The following SPEF2 variants were observed in gnomAD, a reference collection of about 807,000 sequenced individuals.
SPEF2 encodes the protein sperm flagellar and cilia associated 2.
A neutral mutation model predicts 224.6 loss-of-function variants in SPEF2; 187 were observed. The ratio of observed to expected loss-of-function variants is 0.83; its 90% CI spans 0.74 to 0.94. The LOEUF (loss-of-function observed/expected upper bound fraction) is 0.94. SPEF2 is among the 40% of genes least tolerant of loss of function. SPEF2 has a pLI of 0.00. For synonymous variants in SPEF2, 715 were observed against 707.3 expected (o/e 1.01, Z -0.17); for missense variants, 2,170 against 2,135.6 (o/e 1.02, Z -0.32).
Position 35,779,178 on chromosome 5 carries a change from G to T in SPEF2, c.4279G>T (p.Glu1427Ter). Residue 1427 changes from glutamate (E) to a stop codon, truncating the protein, a stop_gained, in exon 30 of 37, where the codon GAA becomes TAA. Transcript: ENST00000356031. LOFTEE classifies it high-confidence loss of function. ...HIETSTKIQN[E>*]LYLSQEDFFI... ...TGAAACATCTACAAAAATTCAGAAT[G>T]AACTTTATTTAAGCCAAGAAGACTT... 1 of 1,613,716 alleles carries T rather than the reference G, an allele frequency of 6.2e-7. No individual in the cohort carries two copies. The highest frequency in any genetic ancestry group is 8.5e-7 in the Non-Finnish European group (1 of 1,179,848).
intron 21 of SPEF2, among the ~76,000 whole-genome samples, chr5:35,735,429 G>T (rs1746419698): frequency 6.6e-6 from 1 of 152,192 alleles, no homozygotes; most frequent in Non-Finnish European, 1.5e-5. Flanking sequence ...GGACTGAGTG[G>T]AAATTACAGA....
At chr5:35,770,588 C>A (rs1752695505) in intron 26 of SPEF2, among the ~76,000 whole-genome samples, 1 of 152,120 alleles carries the variant, frequency 6.6e-6, no homozygotes, top group African/African-American at 2.4e-5. Flanking sequence ...TAAGATTCTA[C>A]AAATAAGTGA....
intron 23 of SPEF2, among the ~76,000 whole-genome samples, chr5:35,747,518 G>A (rs550589228): frequency 1.8e-4 from 28 of 152,304 alleles, no homozygotes; most frequent in African/African-American, 6.7e-4. Context: ...GACACAAAAA[G>A]TGAGCAGGGT....
At chr5:35,635,340 A>G (rs1745685820) in intron 2 of SPEF2, among the ~76,000 whole-genome samples, 1 of 152,120 alleles carries the variant, frequency 6.6e-6, no homozygotes, top group Non-Finnish European at 1.5e-5. Context: ...GTATTCTCAT[A>G]CTTTATTTTA....
rs185773684 is a variant in SPEF2, at chr5:35,680,633, C to T, written c.1525-10404C>T. 2.6e-5 allele frequency among the ~76,000 whole-genome samples: 4 copies of T among 152,178 alleles called. No individual in the cohort carries two copies. In the East Asian group the frequency reaches 7.7e-4, roughly 29 times the overall value. ...AGTTTAGTAGGGATGAGAAAAAAAC[C>T]ATTCCAGAGAATGATGCTGTGTGGA... On this transcript the variant is annotated intron_variant, in intron 10 of 36. Coordinates refer to ENST00000356031, the MANE Select transcript of SPEF2 (RefSeq NM_024867.4).
At chr5:35,712,738 G>T in intron 19 of SPEF2, 74 bp from the exon 20 acceptor site, 1 of 1,443,010 alleles carries the variant, frequency 6.9e-7, no homozygotes, top group South Asian at 1.2e-5. Context: ...AATAGCATTA[G>T]CTTGCTTACA....
intron 1 of SPEF2, among the ~76,000 whole-genome samples, chr5:35,622,614 C>T (rs531341167): frequency 2.6e-5 from 4 of 152,124 alleles, no homozygotes; most frequent in South Asian, 2.1e-4. Flanking sequence ...TCTTTAAACC[C>T]GGAGTCTAAA....
intron 24 of SPEF2, among the ~76,000 whole-genome samples, chr5:35,754,896 C>T (rs148400390): frequency 8.5e-5 from 13 of 152,242 alleles, no homozygotes; most frequent in Non-Finnish European, 1.9e-4. Flanking sequence ...GCAATCCCTA[C>T]AGCTAATGCA....
chr5:35,643,679 A>G, intron 3 of SPEF2: 1 of 391,844 alleles, frequency 2.6e-6, no homozygotes, highest in Admixed American at 3.0e-5. Context: ...CTTCTTTGAT[A>G]CTGGATGAGA....
At chr5:35,743,857 A>C (rs1475870701) in intron 23 of SPEF2, among the ~76,000 whole-genome samples, 1 of 152,174 alleles carries the variant, frequency 6.6e-6, no homozygotes, top group Non-Finnish European at 1.5e-5. Context: ...AGCATGCACT[A>C]TGTTCTGGCA....
In SPEF2 at chr5:35,811,151, G is replaced by C. The variant is rs185680046; in HGVS notation, c.5380-3313G>C. 3.4e-4 allele frequency among the ~76,000 whole-genome samples: 52 copies of C among 151,644 alleles called. 2 individuals carry two copies. In the East Asian group the frequency reaches 8.9e-3, roughly 26 times the overall value. On this transcript the variant is annotated intron_variant, in intron 36 of 36. Coordinates refer to ENST00000356031, the MANE Select transcript of SPEF2 (RefSeq NM_024867.4). ...AAGAAATGAAGGAATGGAGAGAAAA[G>C]AATCTTTGAAGACTCAAACCACTGC...
At chr5:35,623,800 A>T (rs1366943679) in intron 1 of SPEF2, among the ~76,000 whole-genome samples, 1 of 152,268 alleles carries the variant, frequency 6.6e-6, no homozygotes, top group Non-Finnish European at 1.5e-5. Context: ...TTGTGTAATT[A>T]ATATGACCTG....
At chr5:35,706,974 CCAACTATTAGACT>C (rs1468491517) in intron 18 of SPEF2, among the ~76,000 whole-genome samples, 1 of 152,118 alleles carries the variant, frequency 6.6e-6, no homozygotes, top group Admixed American at 6.6e-5. Flanking sequence ...TTTGTTTTTG[CCAACTATTAGACT>C]CAACTTCAAC....
intron 18 of SPEF2, among the ~76,000 whole-genome samples, chr5:35,706,098 T>A (rs1267755190): frequency 1.3e-5 from 2 of 151,800 alleles, no homozygotes; most frequent in Non-Finnish European, 2.9e-5. Flanking sequence ...TAAATGTTAA[T>A]TCACATTTTA....
intron 1 of SPEF2, among the ~76,000 whole-genome samples, chr5:35,623,239 C>T (rs1435191173): frequency 1.3e-5 from 2 of 152,148 alleles, no homozygotes; most frequent in African/African-American, 2.4e-5. Flanking sequence ...AGTACCCAGC[C>T]GGTTTCTAGG....
chr5:35,799,976 T>C lies in SPEF2; in HGVS notation c.4839T>C (p.Phe1613=). ...ATTCTTTTTGTGTGCAGTTTTTCTT[T>C]AGGCTATTTGCTGACTATGAGAAGG... The part of the protein sequence containing the change: ...NRQEHLIEFF[F]RLFADYEKDP... The change falls in exon 34 of 37, where the codon TTT becomes TTC. Residue 1613 remains phenylalanine, a synonymous_variant. Transcript: ENST00000356031. 1 of 1,613,920 alleles carries C rather than the reference T, an allele frequency of 6.2e-7. No homozygotes were observed. The highest frequency in any genetic ancestry group is 8.5e-7 in the Non-Finnish European group (1 of 1,179,926).
rs1744593921 is a variant in SPEF2 at position 35,628,514 on chromosome 5, T to A, written c.113T>A (p.Leu38Gln). 2 of 1,614,112 alleles carry A rather than the reference T, an allele frequency of 1.2e-6. No individual in the cohort carries two copies. The highest frequency in any genetic ancestry group is 1.3e-5 in the African/African-American group (1 of 75,070). Residue 38 changes from leucine to glutamine, a missense_variant, in exon 2 of 37, where the codon CTA becomes CAA. Coordinates refer to ENST00000356031, the MANE Select transcript of SPEF2 (RefSeq NM_024867.4). Reference sequence around the variant, plus strand: ...AGTGGCTATCTACTTGGAGAAGTTCTACACAAGTTTGAACTTCAGGATGAT... The same window carrying A: ...AGTGGCTATCTACTTGGAGAAGTTCAACACAAGTTTGAACTTCAGGATGAT... ...FSSGYLLGEVLHKFELQDDFS... is the reference protein window; with the variant it reads ...FSSGYLLGEVQHKFELQDDFS...
Position 35,795,656 on chromosome 5 carries a change from C to T in SPEF2, c.4738-47C>T, listed in dbSNP as rs747555464. The T allele has an allele frequency of 1.2e-5, 18 of 1,555,474 alleles. No individual in the cohort carries two copies. The Admixed American group carries it at 2.6e-4, about 23-fold the overall frequency. ...CTCTGTGGCTTTTAGAGGAACATCT[C>T]AGCAAAATACATACTTTAACAATTT... is the stretch of plus-strand genomic sequence containing the variant. On this transcript the variant is annotated intron_variant, in intron 32 of 36. Coordinates refer to ENST00000356031, the MANE Select transcript of SPEF2 (RefSeq NM_024867.4).
At chr5:35,639,275 A>G (rs1195326878) in intron 2 of SPEF2, among the ~76,000 whole-genome samples, 2 of 152,146 alleles carry the variant, frequency 1.3e-5, no homozygotes. Context: ...AGAGGGTCCT[A>G]CTTGTATTGA....
Sources: gnomAD v4.1 joint callset for allele counts (sites outside exome capture counted in the v4.1 genomes callset) on GRCh38, gnomAD v4.1.1 for gene constraint, MANE v1.5 for transcripts, NCBI Gene and HGNC (gene_info 2026-07-23, HGNC 2026-07-21) for gene names.